ACAD10: variants seen among roughly 807,000 people sequenced by gnomAD.
ACAD10 encodes the protein ACAD-10.
In ACAD10, 112 loss-of-function variants were observed where a neutral mutation model predicts 116.8. The ratio of observed to expected loss-of-function variants is 0.96; its 90% CI spans 0.82 to 1.12. ACAD10 has a LOEUF of 1.12. Ranked by LOEUF, ACAD10 falls within the 50% of genes most tolerant of loss-of-function variation. The pLI, the probability that ACAD10 is intolerant of heterozygous loss-of-function variation, is 0.00. For synonymous variants in ACAD10, 486 were observed against 510.6 expected, an observed-to-expected ratio of 0.95 and a Z score of 0.65; for missense variants, 1,259 against 1,350.2, an observed-to-expected ratio of 0.93 and a Z score of 1.06.
At chr12:111,735,735 G>A (rs769148780) in intron 11 of ACAD10, among the ~76,000 whole-genome samples, 21 of 152,208 alleles carry the variant, frequency 1.4e-4, no homozygotes, top group East Asian at 1.2e-3. Flanking sequence ...GATTACAGGC[G>A]TGAGCCACTG....
Position 111,688,573 on chromosome 12 carries a change from C to T in ACAD10, c.-14+2334C>T, listed in dbSNP as rs185326326. On this transcript the variant is annotated intron_variant, in intron 1 of 20. Coordinates refer to ENST00000313698, the MANE Select transcript of ACAD10 (RefSeq NM_025247.6). ...TCCCAGCACTTTGGGAGGCCGAGGC[C>T]GGTGGATCACTTGAGGTCAGGAGTT... Among the ~76,000 whole-genome samples the T allele has an allele frequency of 5.3e-3, 785 of 149,414 alleles. 2 individuals are homozygous for T. The highest frequency in any genetic ancestry group is 0.018 in the African/African-American group (738 of 40,646).
chr12:111,727,394 G>C (rs1889246622), intron 8 of ACAD10, among the ~76,000 whole-genome samples: 1 of 150,748 alleles, frequency 6.6e-6, no homozygotes, highest in Non-Finnish European at 1.5e-5. Context: ...CGTGGTGGCG[G>C]GTGCCTGTAG....
chr12:111,732,681 A>C (rs1338434287), intron 10 of ACAD10, among the ~76,000 whole-genome samples: 1 of 152,216 alleles, frequency 6.6e-6, no homozygotes, highest in Non-Finnish European at 1.5e-5. Context: ...AGAAAGCATG[A>C]AAGAGGCTAT....
At position 111,692,944 on chromosome 12, in the gene ACAD10, G is replaced by T. The variant is rs765846557; in HGVS notation, c.187+48G>T. On this transcript the variant is annotated intron_variant, in intron 2 of 20. Coordinates refer to ENST00000313698, the MANE Select transcript of ACAD10 (RefSeq NM_025247.6). ...CTTTGTGGGACTAGAGTGGTGGTGGGAGAATGGAGGGTGATCGGGAAGGCA... is the reference window on the plus strand; with the variant it reads ...CTTTGTGGGACTAGAGTGGTGGTGGTAGAATGGAGGGTGATCGGGAAGGCA... 3 of 1,591,218 alleles carry T rather than the reference G, an allele frequency of 1.9e-6. No individual in the cohort carries two copies. The African/African-American group carries it at 4.0e-5, about 21-fold the overall frequency.
intron 2 of ACAD10, among the ~76,000 whole-genome samples, chr12:111,694,749 C>T (rs755544640): frequency 2.6e-5 from 4 of 152,174 alleles, no homozygotes; most frequent in African/African-American, 7.2e-5. Context: ...CGTGCTTCTG[C>T]GCTTAGCAGC....
intron 1 of ACAD10, among the ~76,000 whole-genome samples, chr12:111,690,119 C>G (rs1226685870): frequency 6.6e-6 from 1 of 152,166 alleles, no homozygotes; most frequent in Admixed American, 6.6e-5. Flanking sequence ...TCAAGATTTA[C>G]CACTTAAGAG....
rs1888558092 is a variant in ACAD10 at position 111,707,873 on chromosome 12, C to T, written c.532-1653C>T. On this transcript the variant is annotated intron_variant, in intron 4 of 20. Transcript: ENST00000313698. ...TTGTAAAGATGCTGGGTCTGTTTCC[C>T]TGGAGGCTTTCATTGAGTATGTCTA... Among the ~76,000 whole-genome samples the T allele has an allele frequency of 1.3e-5, 2 of 152,178 alleles. 1 individual carries two copies. Among genetic ancestry groups the T allele is most frequent in the Admixed American group, 1.3e-4 (2 of 15,264 alleles).
At chr12:111,690,297 A>T (rs1026581731) in intron 1 of ACAD10, among the ~76,000 whole-genome samples, 5 of 152,178 alleles carry the variant, frequency 3.3e-5, no homozygotes, top group Admixed American at 2.6e-4. Context: ...TATGTTTCAT[A>T]TATATCTTAT....
At chr12:111,730,496 G>A (rs1889355154) in intron 10 of ACAD10, among the ~76,000 whole-genome samples, 1 of 152,196 alleles carries the variant, frequency 6.6e-6, no homozygotes, top group Non-Finnish European at 1.5e-5. Flanking sequence ...TCTGTAGCAC[G>A]GCTAAAATGG....
chr12:111,733,481 T>A (rs564782039), intron 10 of ACAD10, among the ~76,000 whole-genome samples: 1 of 152,178 alleles, frequency 6.6e-6, no homozygotes, highest in Non-Finnish European at 1.5e-5. Flanking sequence ...TCTGACCTAG[T>A]CTAGTTTCAG....
chr12:111,725,497 G>A (rs942990186), intron 8 of ACAD10, among the ~76,000 whole-genome samples: 3 of 152,116 alleles, frequency 2.0e-5, no homozygotes. Flanking sequence ...CTGGATGATA[G>A]AGTGAGACCC....
At chr12:111,722,020 CAG>C (rs1424344068) in intron 8 of ACAD10, 4 of 251,756 alleles carry the variant, frequency 1.6e-5, no homozygotes, top group African/African-American at 4.5e-5. Context: ...TTTTTTTAAT[CAG>C]AGTCTTTCTA....
intron 1 of ACAD10, among the ~76,000 whole-genome samples, chr12:111,687,862 C>G (rs1887919308): frequency 6.6e-6 from 1 of 151,754 alleles, no homozygotes; most frequent in Non-Finnish European, 1.5e-5. Flanking sequence ...CTTTACCAAA[C>G]AAACCTTTTT....
intron 4 of ACAD10, among the ~76,000 whole-genome samples, chr12:111,708,046 A>T (rs1437668578): frequency 6.6e-6 from 1 of 152,196 alleles, no homozygotes; most frequent in Non-Finnish European, 1.5e-5. Flanking sequence ...GCTTACCTTG[A>T]GAAGGAGGCT....
intron 1 of ACAD10, 96 bp from the exon 2 acceptor site, chr12:111,692,601 T>TTAGAGATGTCTGGCTGGC (rs1434343684): frequency 3.1e-5 from 39 of 1,254,800 alleles, no homozygotes; most frequent in Admixed American, 1.9e-4. Context: ...TGGAGATGGG[T>TTAGAGATGTCTGGCTGGC]TAGAGATGTC....
intron 1 of ACAD10, chr12:111,690,934 C>T (rs564348202): frequency 1.3e-5 from 2 of 152,240 alleles, no homozygotes; most frequent in South Asian, 2.1e-4. Context: ...ACCTGTTTTG[C>T]ACTCTCCTGA....
chr12:111,689,479 C>G (rs1055257118), intron 1 of ACAD10, among the ~76,000 whole-genome samples: 3 of 151,916 alleles, frequency 2.0e-5, no homozygotes, highest in Non-Finnish European at 4.4e-5. Context: ...TCAAGTGATT[C>G]TCATGTCCCA....
chr12:111,747,837 C>A, intron 16 of ACAD10: 1 of 846,670 alleles, frequency 1.2e-6, no homozygotes, highest in Non-Finnish European at 1.4e-6. Context: ...GAGCCCATAC[C>A]TCCCTGGACA....
Position 111,729,952 on chromosome 12 carries a change from T to C in ACAD10, c.1390T>C (p.Phe464Leu), listed in dbSNP as rs753056489. Residue 464 changes from phenylalanine to leucine, a missense_variant, in exon 10 of 21, where the codon TTC (phenylalanine) becomes CTC (leucine). Phe to Leu is a conservative substitution (Grantham distance 22). Transcript: ENST00000313698. Reference protein sequence around the residue: ...QQRTTVVHGDFRLDNLVFHPE... With the variant: ...QQRTTVVHGDLRLDNLVFHPE... ...GAGGACCACAGTGGTGCACGGGGAC[T>C]TCAGGTAGATGTGGTGGCAGGGAGA... 1 of 1,613,466 alleles carries C rather than the reference T, an allele frequency of 6.2e-7. No individual in the cohort carries two copies. The highest frequency in any genetic ancestry group is 8.5e-7 in the Non-Finnish European group (1 of 1,179,626).
Sources: allele counts gnomAD v4.1 joint callset (sites outside exome capture counted in the v4.1 genomes callset), GRCh38; gene constraint gnomAD v4.1.1; transcripts MANE v1.5; gene names NCBI Gene and HGNC (gene_info 2026-07-23, HGNC 2026-07-21).